The following EXOC4 variants were observed in gnomAD, a reference collection of about 807,000 sequenced individuals.
The protein encoded by EXOC4 is SEC8-like 1.
EXOC4 carries 71 observed loss-of-function variants against 107.2 expected under a neutral mutation model. The observed-to-expected ratio is 0.66, with a 90% CI of 0.55 to 0.81. EXOC4 has a LOEUF of 0.81. Among genes scored for constraint, EXOC4 ranks in the 30% least tolerant of loss-of-function variants. EXOC4 has a pLI of 0.00. For missense variants in EXOC4, 1,108 were observed against 1,189.6 expected, an observed-to-expected ratio of 0.93 and a Z score of 1.01; for synonymous variants, 456 against 441.2, an observed-to-expected ratio of 1.03 and a Z score of -0.42.
chr7:133,519,226 G>A (rs1156910284), intron 9 of EXOC4, among the ~76,000 whole-genome samples: 1 of 151,946 alleles, frequency 6.6e-6, no homozygotes, highest in Non-Finnish European at 1.5e-5. Flanking sequence ...ACCAGCCTAG[G>A]CAACATAGCA....
chr7:133,609,736 G>C (rs910465239), intron 9 of EXOC4, among the ~76,000 whole-genome samples: 1 of 152,150 alleles, frequency 6.6e-6, no homozygotes, highest in Non-Finnish European at 1.5e-5. Context: ...GGCCAGGTGG[G>C]GTCGAGCTGA....
At chr7:133,324,659 TGTG>T (rs1795194110) in intron 5 of EXOC4, among the ~76,000 whole-genome samples, 1 of 152,204 alleles carries the variant, frequency 6.6e-6, no homozygotes, top group Non-Finnish European at 1.5e-5. Context: ...ATAAGTGTGA[TGTG>T]GTGCTGAGAA....
intron 9 of EXOC4, among the ~76,000 whole-genome samples, chr7:133,491,726 A>C (rs1799375811): frequency 6.6e-6 from 1 of 152,304 alleles, no homozygotes; most frequent in South Asian, 2.1e-4. Flanking sequence ...GTTTCAGTGA[A>C]TATTAGAAGT....
At chr7:133,937,222 C>G (rs995133764) in intron 13 of EXOC4, among the ~76,000 whole-genome samples, 1 of 152,128 alleles carries the variant, frequency 6.6e-6, no homozygotes, top group African/African-American at 2.4e-5. Context: ...AGATATTGGG[C>G]TCTGCGTGAA....
chr7:133,954,729 T>G (rs1800774465), intron 14 of EXOC4, among the ~76,000 whole-genome samples: 1 of 152,228 alleles, frequency 6.6e-6, no homozygotes. Flanking sequence ...TGGCTTGGCT[T>G]GTGCTACCGG....
chr7:133,886,777 CAAAT>C (rs1799095654), intron 11 of EXOC4, among the ~76,000 whole-genome samples: 1 of 151,966 alleles, frequency 6.6e-6, no homozygotes, highest in Non-Finnish European at 1.5e-5. Flanking sequence ...CTAAAGAGAT[CAAAT>C]AAATAAAAAC....
intron 10 of EXOC4, among the ~76,000 whole-genome samples, chr7:133,638,813 T>C (rs1396417091): frequency 1.3e-5 from 2 of 152,326 alleles, no homozygotes; most frequent in African/African-American, 2.4e-5. Flanking sequence ...ACTTTGCTGC[T>C]GTGATTTTGA....
intron 10 of EXOC4, among the ~76,000 whole-genome samples, chr7:133,778,075 C>A (rs1210025828): frequency 2.6e-5 from 4 of 152,138 alleles, no homozygotes; most frequent in African/African-American, 9.7e-5. Context: ...GAATTACAGG[C>A]ATTCTCCCAA....
intron 7 of EXOC4, among the ~76,000 whole-genome samples, chr7:133,439,982 G>C (rs1798068852): frequency 6.6e-6 from 1 of 152,230 alleles, no homozygotes; most frequent in South Asian, 2.1e-4. Context: ...GTGAGTTATA[G>C]CTTCTTTATT....
At chr7:133,967,520 A>G (rs988283108) in intron 14 of EXOC4, among the ~76,000 whole-genome samples, 3 of 152,092 alleles carry the variant, frequency 2.0e-5, no homozygotes, top group East Asian at 1.9e-4. Context: ...AGATTCTGGT[A>G]TGTTGTGTCT....
At chr7:134,040,760 C>T (rs1795496352) in intron 17 of EXOC4, among the ~76,000 whole-genome samples, 1 of 152,074 alleles carries the variant, frequency 6.6e-6, no homozygotes, top group African/African-American at 2.4e-5. Context: ...TGTAATATTG[C>T]ATGTCAGCAA....
intron 11 of EXOC4, among the ~76,000 whole-genome samples, chr7:133,844,883 A>G (rs1585193063): frequency 6.6e-6 from 1 of 152,146 alleles, no homozygotes; most frequent in East Asian, 1.9e-4. Flanking sequence ...TCTCTGAAAC[A>G]TGACCTAAAA....
chr7:133,779,863 C>T (rs1322040264), intron 10 of EXOC4, among the ~76,000 whole-genome samples: 1 of 139,674 alleles, frequency 7.2e-6, no homozygotes, highest in Non-Finnish European at 1.6e-5. Flanking sequence ...ATAAACCTGG[C>T]CACCCCAGCC....
intron 9 of EXOC4, among the ~76,000 whole-genome samples, chr7:133,519,096 T>C (rs1490848115): frequency 1.3e-5 from 2 of 152,142 alleles, no homozygotes; most frequent in African/African-American, 4.8e-5. Context: ...AAGTAAATAT[T>C]TCATTTAAGT....
intron 10 of EXOC4, among the ~76,000 whole-genome samples, chr7:133,642,988 C>T (rs906384118): frequency 2.0e-5 from 3 of 152,180 alleles, no homozygotes; most frequent in Middle Eastern, 3.2e-3. Context: ...TGTGCCTGCT[C>T]TTACTCACCC....
At chr7:133,279,476 A>G (rs1432490774) in intron 2 of EXOC4, among the ~76,000 whole-genome samples, 1 of 152,182 alleles carries the variant, frequency 6.6e-6, no homozygotes, top group African/African-American at 2.4e-5. Flanking sequence ...GAAGATGTTC[A>G]TATTTGTGCA....
intron 14 of EXOC4, among the ~76,000 whole-genome samples, chr7:133,962,274 T>C (rs946176825): frequency 1.1e-4 from 17 of 152,306 alleles, no homozygotes; most frequent in African/African-American, 3.6e-4. Context: ...CAGCTCTAAA[T>C]AGACAGTGAT....
At chr7:133,334,191 CA>C (rs1795456855) in intron 5 of EXOC4, among the ~76,000 whole-genome samples, 1 of 152,118 alleles carries the variant, frequency 6.6e-6, no homozygotes, top group Non-Finnish European at 1.5e-5. Context: ...TGAACTATAA[CA>C]CAAAGCACTC....
At chr7:133,718,981 G>A (rs573481156) in intron 10 of EXOC4, among the ~76,000 whole-genome samples, 12 of 152,192 alleles carry the variant, frequency 7.9e-5, no homozygotes, top group Admixed American at 2.0e-4. Flanking sequence ...TGATTTTCAC[G>A]TCGAACCATG....
Sources: gnomAD v4.1 joint callset for allele counts (sites outside exome capture counted in the v4.1 genomes callset) on GRCh38, gnomAD v4.1.1 for gene constraint, MANE v1.5 for transcripts, NCBI Gene and HGNC (gene_info 2026-07-23, HGNC 2026-07-21) for gene names.